Variants in GAB2 observed in about 807,000 individuals in gnomAD.
The protein encoded by GAB2 is GRB2-associated-binding protein 2.
Under a neutral mutation model 65.5 loss-of-function variants are expected in GAB2, and 26 were observed. That is an observed-to-expected ratio of 0.40 (90% confidence interval 0.29 to 0.55). The LOEUF (loss-of-function observed/expected upper bound fraction) is 0.55. Among genes scored for constraint, GAB2 ranks in the 20% least tolerant of loss-of-function variants. The pLI is 0.53. For synonymous variants in GAB2, 321 were observed against 329.6 expected (o/e 0.97, Z 0.28); for missense variants, 884 against 875.8 (o/e 1.01, Z -0.12).
At chr11:78,331,091 C>CA in intron 1 of GAB2, among the ~76,000 whole-genome samples, 1 of 152,082 alleles carries the variant, frequency 6.6e-6, no homozygotes, top group Non-Finnish European at 1.5e-5. Context: ...GGGACAATTG[C>CA]ATGAACCCGG....
At chr11:78,376,799 G>A (rs561543628) in intron 1 of GAB2, among the ~76,000 whole-genome samples, 1 of 152,230 alleles carries the variant, frequency 6.6e-6, no homozygotes, top group East Asian at 1.9e-4. Context: ...CATAGACTAG[G>A]TGACTTAAAC....
chr11:78,409,350 C>T (rs1330422195), intron 1 of GAB2, among the ~76,000 whole-genome samples: 6 of 151,974 alleles, frequency 3.9e-5, no homozygotes, highest in Non-Finnish European at 7.4e-5. Context: ...TTTGGGAGGC[C>T]GAGGCAGGCG....
rs1864193094 is a variant in GAB2, at chr11:78,217,234, C to T, written c.*2038G>A. On this transcript the variant is annotated 3_prime_UTR_variant, in exon 10 of 10. Transcript: ENST00000361507. ...TGTCTGATGGCCATCACCACTGTCT[C>T]ATGTCCTTGTCCTTTTTCTGATTGT... is the stretch of plus-strand genomic sequence containing the variant. The T allele has an allele frequency of 6.6e-6, 1 of 152,404 alleles. No homozygotes were observed. Among genetic ancestry groups the T allele is most frequent in the South Asian group, 2.1e-4 (1 of 4,826 alleles). The allele number at this position is 152,404 out of a possible 1,614,324, so 9.4% of individuals were successfully genotyped here.
At chr11:78,370,220 G>GCA (rs1262601309) in intron 1 of GAB2, among the ~76,000 whole-genome samples, 1 of 141,932 alleles carries the variant, frequency 7.0e-6, no homozygotes, top group African/African-American at 2.7e-5. Flanking sequence ...TCCCGCCACT[G>GCA]CACTCCAGCC....
At position 78,266,214 on chromosome 11, in the gene GAB2, C is replaced by CAAAAAAA. The variant is rs11445907; in HGVS notation, c.376+14380_376+14386dup. 2.0e-3 allele frequency among the ~76,000 whole-genome samples: 130 copies of CAAAAAAA among 65,002 alleles called. 10 individuals are homozygous for CAAAAAAA. Among genetic ancestry groups the CAAAAAAA allele is most frequent in the Middle Eastern group, 0.014 (1 of 74 alleles). 42.6% of individuals were successfully genotyped at this position (65,002 alleles called of 152,430 possible). ...TGGGTGACAGAGCGAGACTCCATCTCAAAAAAAAAAAAAAAAAAAAAAAAT... is the reference window on the plus strand; with the variant it reads ...TGGGTGACAGAGCGAGACTCCATCTCAAAAAAAAAAAAAAAAAAAAAAAAAAAAAAAT... On this transcript the variant is annotated intron_variant, in intron 2 of 9. Coordinates refer to ENST00000361507, the MANE Select transcript of GAB2 (RefSeq NM_080491.3).
intron 1 of GAB2, among the ~76,000 whole-genome samples, chr11:78,331,909 G>GA (rs1565162833): frequency 1.3e-5 from 2 of 152,116 alleles, no homozygotes; most frequent in Non-Finnish European, 2.9e-5. Context: ...CCTCGTAAAT[G>GA]AAAGTGTCCA....
At chr11:78,387,119 G>A (rs1741928433) in intron 1 of GAB2, among the ~76,000 whole-genome samples, 1 of 152,186 alleles carries the variant, frequency 6.6e-6, no homozygotes, top group Admixed American at 6.5e-5. Flanking sequence ...ATAGCTCACT[G>A]TAGCCTAGAG....
chr11:78,384,371 T>G (rs1366412771), intron 1 of GAB2, among the ~76,000 whole-genome samples: 6 of 152,190 alleles, frequency 3.9e-5, no homozygotes, highest in Admixed American at 3.9e-4. Flanking sequence ...TTCCGGAGCT[T>G]CCATTATCAT....
intron 1 of GAB2, among the ~76,000 whole-genome samples, chr11:78,369,691 G>C (rs1439289976): frequency 6.6e-6 from 1 of 152,150 alleles, no homozygotes; most frequent in Non-Finnish European, 1.5e-5. Context: ...CATTTATAAG[G>C]ATGGTCATTT....
intron 2 of GAB2, among the ~76,000 whole-genome samples, chr11:78,265,203 C>CACATATATATATATAT (rs1554980506): frequency 4.6e-4 from 67 of 144,918 alleles, no homozygotes; most frequent in Non-Finnish European, 7.9e-4. Flanking sequence ...TTCTATACCA[C>CACATATATATATATAT]ATATATATAT....
At chr11:78,268,547 G>C (rs1309701471) in intron 2 of GAB2, among the ~76,000 whole-genome samples, 1 of 152,036 alleles carries the variant, frequency 6.6e-6, no homozygotes, top group Non-Finnish European at 1.5e-5. Flanking sequence ...TTTTAATAGG[G>C]ATAAGCAGAA....
In GAB2 at chr11:78,416,915, C is replaced by T. The variant is rs572092438; in HGVS notation, c.75+731G>A. 3.3e-5 allele frequency among the ~76,000 whole-genome samples: 5 copies of T among 152,260 alleles called. No individual in the cohort carries two copies. The East Asian group carries it at 5.8e-4, about 18-fold the overall frequency. ...AGTAAACACTGTCGGTTGGCAACAC[C>T]TGGCCGCGGAGAGCCTCGATCTCTC... On this transcript the variant is annotated intron_variant, in intron 1 of 9. Coordinates refer to ENST00000361507, the MANE Select transcript of GAB2 (RefSeq NM_080491.3).
At chr11:78,376,334 C>T (rs1856630683) in intron 1 of GAB2, among the ~76,000 whole-genome samples, 1 of 152,204 alleles carries the variant, frequency 6.6e-6, no homozygotes, top group Admixed American at 6.5e-5. Context: ...AGAGCTAACA[C>T]TGAGACAGTA....
At chr11:78,346,982 A>G (rs1856202015) in intron 1 of GAB2, among the ~76,000 whole-genome samples, 1 of 152,084 alleles carries the variant, frequency 6.6e-6, no homozygotes, top group South Asian at 2.1e-4. Flanking sequence ...GAGGGAAAGC[A>G]GACTGACTCA....
intron 1 of GAB2, among the ~76,000 whole-genome samples, chr11:78,288,398 AG>A (rs1334524507): frequency 2.6e-4 from 23 of 88,574 alleles, no homozygotes; most frequent in South Asian, 3.4e-4. Context: ...AAAAAAAAAA[AG>A]AAGAAGAAGA....
rs7109498 is a variant in GAB2, at chr11:78,262,894, G to T, written c.377-12494C>A. The stretch of plus-strand genomic sequence containing the variant: ...AAACTACAGCCCATACATTACATCT[G>T]GTCTGTTTCTGTGGTTTCACTAGAA... On this transcript the variant is annotated intron_variant, in intron 2 of 9. Transcript: ENST00000361507. Among the ~76,000 whole-genome samples, 395 of 152,226 alleles carry T rather than the reference G, an allele frequency of 2.6e-3. 7 individuals are homozygous for T. The highest frequency in any genetic ancestry group is 0.02 in the Middle Eastern group (6 of 294).
intron 3 of GAB2, among the ~76,000 whole-genome samples, chr11:78,230,446 T>C (rs1205960009): frequency 2.0e-5 from 3 of 152,222 alleles, no homozygotes; most frequent in African/African-American, 7.2e-5. Flanking sequence ...TCTACAAAGG[T>C]ATTACAGGTC....
intron 1 of GAB2, among the ~76,000 whole-genome samples, chr11:78,410,054 T>C (rs1355214464): frequency 6.6e-6 from 1 of 151,488 alleles, no homozygotes; most frequent in African/African-American, 2.4e-5. Flanking sequence ...TCAAGGAAAG[T>C]AAAAAAAATA....
rs1196036225 is a variant in GAB2 at position 78,215,975 on chromosome 11, G to A, written c.*3297C>T. 6.6e-6 allele frequency: 1 copy of A among 152,626 alleles called. No individual in the cohort carries two copies. The highest frequency in any genetic ancestry group is 1.5e-5 in the Non-Finnish European group (1 of 68,048). The allele number at this position is 152,626 out of a possible 1,614,324, so 9.5% of individuals were successfully genotyped here. On this transcript the variant is annotated 3_prime_UTR_variant, in exon 10 of 10. Coordinates refer to ENST00000361507, the MANE Select transcript of GAB2 (RefSeq NM_080491.3). ...TGGTTGTGCTTTTGTCACAGGAATG[G>A]GGCATACTTTGTTAACTTCTACATT...
Sources: gnomAD v4.1 joint callset for allele counts (sites outside exome capture counted in the v4.1 genomes callset) on GRCh38, gnomAD v4.1.1 for gene constraint, MANE v1.5 for transcripts, NCBI Gene and HGNC (gene_info 2026-07-23, HGNC 2026-07-21) for gene names.